Variants in ZIC4 observed in about 807,000 individuals in gnomAD.
ZIC4 encodes zinc finger protein ZIC 4.
Under a neutral mutation model 28.8 loss-of-function variants are expected in ZIC4, and 15 were observed. The ratio of observed to expected loss-of-function variants is 0.52; its 90% confidence interval spans 0.35 to 0.80. ZIC4 has a LOEUF of 0.80. Ranked by LOEUF, ZIC4 falls within the 30% of genes least tolerant of loss-of-function variation. The pLI is 0.01. For missense variants in ZIC4, 512 were observed against 467.1 expected, an observed-to-expected ratio of 1.10 and a Z score of -0.89; for synonymous variants, 220 against 198.1, an observed-to-expected ratio of 1.11 and a Z score of -0.93.
intron 4 of ZIC4, among the ~76,000 whole-genome samples, chr3:147,390,342 G>A (rs2086886599): frequency 1.4e-5 from 2 of 147,580 alleles, no homozygotes; most frequent in South Asian, 4.6e-4. Context: ...AACGGCTCTG[G>A]AATTCCCTTT....
At chr3:147,390,817 G>A in intron 4 of ZIC4, 114 bp downstream of exon 4, 1 of 1,306,004 alleles carries the variant, frequency 7.7e-7, no homozygotes. Flanking sequence ...AGCAATCACA[G>A]AGGCAGCCCT....
intron 2 of ZIC4, chr3:147,397,011 C>G (rs946604768): frequency 6.6e-6 from 1 of 152,390 alleles, no homozygotes; most frequent in Non-Finnish European, 1.5e-5. Flanking sequence ...TGTACCGGGC[C>G]GCTAACACCA....
At chr3:147,402,631 CA>C (rs759963624) in intron 2 of ZIC4, 96 bp downstream of exon 2, 43 of 1,167,624 alleles carry the variant, frequency 3.7e-5, no homozygotes, top group Non-Finnish European at 5.2e-5. Flanking sequence ...CCAACATAAA[CA>C]AAAGACAAAA....
chr3:147,398,681 T>G (rs978492549), intron 2 of ZIC4, among the ~76,000 whole-genome samples: 2 of 152,038 alleles, frequency 1.3e-5, no homozygotes, highest in African/African-American at 4.8e-5. Flanking sequence ...CCATAAAAAG[T>G]GTCCCCCAAA....
chr3:147,393,813 C>T (rs566296356), intron 3 of ZIC4: 249 of 451,184 alleles, frequency 5.5e-4, no homozygotes, highest in Middle Eastern at 1.2e-3. Flanking sequence ...GTGGCGGTGG[C>T]CAGGCCGAGC....
chr3:147,393,782 G>T (rs1383508442), intron 3 of ZIC4: 2 of 419,110 alleles, frequency 4.8e-6, no homozygotes, highest in African/African-American at 2.0e-5. Flanking sequence ...CCCGGCCGAG[G>T]GGTCCCTGGA....
chr3:147,401,785 G>T (rs187217752), intron 2 of ZIC4, among the ~76,000 whole-genome samples: 273 of 152,318 alleles, frequency 1.8e-3, no homozygotes, highest in African/African-American at 6.2e-3. Context: ...ATGGAACTGA[G>T]TATGGAAGAA....
Position 147,386,368 on chromosome 3 carries a change from G to A in ZIC4, c.*2491C>T, listed in dbSNP as rs1323237856. The A allele has an allele frequency of 6.6e-6, 1 of 152,626 alleles. No individual in the cohort carries two copies. Among genetic ancestry groups the A allele is most frequent in the Non-Finnish European group, 1.5e-5 (1 of 68,046 alleles). 9.5% of individuals were successfully genotyped at this position (152,626 alleles called of 1,614,324 possible). ...AGGCTTTTGTGTATATGTGAATTAT[G>A]ATTACAAAATGTTTGCCTGTCTGTA... is the stretch of plus-strand genomic sequence containing the variant. On this transcript the variant is annotated 3_prime_UTR_variant, in exon 5 of 5. Coordinates refer to ENST00000383075, the MANE Select transcript of ZIC4 (RefSeq NM_032153.6).
Position 147,396,092 on chromosome 3 carries a change from T to C in ZIC4, c.448A>G (p.Thr150Ala). 1 of 1,614,148 alleles carries C rather than the reference T, an allele frequency of 6.2e-7. No homozygotes were observed. Among genetic ancestry groups the C allele is most frequent in the East Asian group, 2.2e-5 (1 of 44,866 alleles). Residue 150 changes from threonine (T) to alanine (A), a missense_variant, in exon 3 of 5, where the codon ACC becomes GCC. Thr to Ala is a moderately conservative substitution (Grantham distance 58). This residue lies in a region of ZIC4 where 310 missense variants were observed against 256.5 expected (regional missense o/e 1.21). Transcript: ENST00000383075. This position sits in a 1 kb window ranked among gnomAD's most constrained non-coding sequence, Gnocchi z 4.2. Reference sequence around the variant, plus strand: ...ACGTGCGTGACCAGCTCGTGCATGGTGCTGAAAGTTTTGGAGCAGAGGCTC... The same window carrying C: ...ACGTGCGTGACCAGCTCGTGCATGGCGCTGAAAGTTTTGGAGCAGAGGCTC... ...TPSLCSKTFS[T>A]MHELVTHVTV... is the part of the protein sequence containing the mutation.
At chr3:147,397,873 C>T (rs2087082694) in intron 2 of ZIC4, among the ~76,000 whole-genome samples, 1 of 152,156 alleles carries the variant, frequency 6.6e-6, no homozygotes, top group South Asian at 2.1e-4. Context: ...AAACGTCTAC[C>T]TCACTTCGTC....
chr3:147,405,812 C>G lies in ZIC4; in HGVS notation c.-16+551G>C. The G allele has an allele frequency of 8.2e-6, 3 of 365,068 alleles. No homozygotes were observed. In the South Asian group the frequency reaches 8.4e-5, roughly 10 times the overall value. The allele number at this position is 365,068 out of a possible 1,614,324, so 22.6% of individuals were successfully genotyped here. A position where few individuals can be genotyped will look rare whatever the true frequency, so the allele number is the denominator to read the frequency against. On this transcript the variant is annotated intron_variant, in intron 1 of 4. Coordinates refer to ENST00000383075, the MANE Select transcript of ZIC4 (RefSeq NM_032153.6). ...TCAGGTTGGGGCGGAGAAGTTCCAT[C>G]GTCTTGCTGCCATCTGGGCTAACTT...
intron 2 of ZIC4, among the ~76,000 whole-genome samples, chr3:147,402,270 C>A (rs893508168): frequency 2.0e-5 from 3 of 152,170 alleles, no homozygotes; most frequent in Admixed American, 6.5e-5. Context: ...GGCTGGTATC[C>A]CTGGTAAAGA....
In ZIC4 at chr3:147,388,284, T is replaced by A. The variant is rs2086834102; in HGVS notation, c.*575A>T. 6.5e-6 allele frequency: 1 copy of A among 153,244 alleles called. No individual in the cohort carries two copies. Among genetic ancestry groups the A allele is most frequent in the Admixed American group, 6.5e-5 (1 of 15,342 alleles). The allele number at this position is 153,244 out of a possible 1,614,324, so 9.5% of individuals were successfully genotyped here. On this transcript the variant is annotated 3_prime_UTR_variant, in exon 5 of 5. Transcript: ENST00000383075. ...TGGCGAGCCTAACGCGGCATGCTGA[T>A]GCACCGTCAAACTCACACTTTCAAC...
chr3:147,405,584 G>T (rs1244208164), intron 1 of ZIC4: 4 of 1,120,954 alleles, frequency 3.6e-6, no homozygotes, highest in Non-Finnish European at 5.2e-6. Context: ...TCTAGGCTAG[G>T]GGCCAGAATC....
chr3:147,391,285 C>A (rs764337748), intron 3 of ZIC4, 39 bp from the exon 4 acceptor site: 2 of 1,529,586 alleles, frequency 1.3e-6, no homozygotes, highest in Admixed American at 3.8e-5. Context: ...GCTTGTGGGT[C>A]GTGTTCCCGT....
intron 2 of ZIC4, among the ~76,000 whole-genome samples, chr3:147,402,173 A>G (rs924358944): frequency 1.3e-5 from 2 of 152,210 alleles, no homozygotes; most frequent in African/African-American, 2.4e-5. Flanking sequence ...ATTCTTCACA[A>G]TGAAGGTATT....
Position 147,391,133 on chromosome 3 carries a change from C to G in ZIC4, c.802G>C (p.Val268Leu), listed in dbSNP as rs769358963. The G allele has an allele frequency of 2.5e-6, 4 of 1,614,064 alleles. No individual in the cohort carries two copies. In the South Asian group the frequency reaches 4.4e-5, roughly 18 times the overall value. ...HTSDKPYTCK[V>L]RGCDKCYTHP... is the part of the protein sequence containing the mutation. ...GTGTAGCACTTGTCGCAGCCCCGCA[C>G]CTTGCACGTGTATGGCTTGTCGCTA... is the stretch of plus-strand genomic sequence containing the variant. Residue 268 changes from valine to leucine, a missense_variant, in exon 4 of 5, where the codon GTG becomes CTG. Val to Leu is a conservative substitution (Grantham distance 32). This residue lies in a region of ZIC4 where 144 missense variants were observed against 116.8 expected (regional missense o/e 1.23). Transcript: ENST00000383075.
intron 4 of ZIC4, among the ~76,000 whole-genome samples, chr3:147,390,370 T>C (rs900151074): frequency 2.0e-5 from 3 of 148,516 alleles, no homozygotes; most frequent in Admixed American, 6.7e-5. Flanking sequence ...TCCCTTGATC[T>C]GAACTTCTGA....
chr3:147,395,436 G>A (rs2087018400), intron 3 of ZIC4, among the ~76,000 whole-genome samples: 1 of 152,176 alleles, frequency 6.6e-6, no homozygotes, highest in Non-Finnish European at 1.5e-5. Context: ...GTCCAGGTGG[G>A]CCAGGTTATC....
Sources: allele counts gnomAD v4.1 joint callset (sites outside exome capture counted in the v4.1 genomes callset), GRCh38; gene constraint gnomAD v4.1.1; regional missense constraint gnomAD v4.1.1; non-coding constraint Gnocchi (gnomAD v3.1); transcripts MANE v1.5; gene names NCBI Gene and HGNC (gene_info 2026-07-23, HGNC 2026-07-21).